The following RANBP2 variants were observed in gnomAD, a reference collection of about 807,000 sequenced individuals.
RANBP2 encodes the protein E3 SUMO-protein ligase RanBP2.
RANBP2 carries 57 observed loss-of-function variants against 303.6 expected under a neutral mutation model. The observed-to-expected ratio is 0.19, with a 90% confidence interval of 0.15 to 0.23. The LOEUF is 0.23. RANBP2 is among the 10% of genes least tolerant of loss of function. RANBP2 has a pLI of 1.00. For missense variants in RANBP2, 3,138 were observed against 3,780.8 expected, an observed-to-expected ratio of 0.83 and a Z score of 4.46; for synonymous variants, 1,167 against 1,301.5, an observed-to-expected ratio of 0.90 and a Z score of 2.23.
the RANBP2 span, among the ~76,000 whole-genome samples, chr2:109,120,084 C>T: frequency 8.9e-3 from 1,361 of 152,334 alleles, 23 homozygotes; most frequent in African/African-American, 0.032. Context: ...ACTATGCAGC[C>T]TGAAGGGGCT....
chr2:109,099,746 T>C, the RANBP2 span, among the ~76,000 whole-genome samples: 1 of 152,176 alleles, frequency 6.6e-6, no homozygotes, highest in Non-Finnish European at 1.5e-5. Context: ...GGAGTCCACA[T>C]CGTTTTTGCA....
At chr2:108,815,650 A>G in the RANBP2 span, among the ~76,000 whole-genome samples, 2 of 151,508 alleles carry the variant, frequency 1.3e-5, no homozygotes, top group African/African-American at 4.9e-5. Flanking sequence ...TTTAGTAAAG[A>G]CAGGTTTTGC....
At chr2:108,861,399 A>C in the RANBP2 span, among the ~76,000 whole-genome samples, 2 of 150,248 alleles carry the variant, frequency 1.3e-5, no homozygotes, top group African/African-American at 4.9e-5. Context: ...TAGTTCCTGT[A>C]GGTGTGACAT....
At chr2:109,607,456 G>C in the RANBP2 span, among the ~76,000 whole-genome samples, 1 of 152,098 alleles carries the variant, frequency 6.6e-6, no homozygotes, top group African/African-American at 2.4e-5. Context: ...TCCCCCTAAA[G>C]AGAGCAGAAA....
At chr2:108,828,594 GAGGA>G in the RANBP2 span, among the ~76,000 whole-genome samples, 1 of 152,214 alleles carries the variant, frequency 6.6e-6, no homozygotes, top group Non-Finnish European at 1.5e-5. Flanking sequence ...CCACTCAGTG[GAGGA>G]AGGACAGTCT....
the RANBP2 span, chr2:109,503,452 AGAT>A: frequency 6.6e-6 from 1 of 152,156 alleles, no homozygotes; most frequent in South Asian, 2.1e-4. Flanking sequence ...CCCTCCCCCA[AGAT>A]GATAATAGAT....
At chr2:109,649,002 A>G in the RANBP2 span, among the ~76,000 whole-genome samples, 6 of 152,258 alleles carry the variant, frequency 3.9e-5, no homozygotes, top group East Asian at 1.2e-3. Context: ...AGGTAGGACA[A>G]TCAGGTAGGT....
At chr2:109,514,487 G>T in the RANBP2 span, among the ~76,000 whole-genome samples, 1 of 152,216 alleles carries the variant, frequency 6.6e-6, no homozygotes, top group Non-Finnish European at 1.5e-5. Flanking sequence ...TACGAGTTCA[G>T]TGTGGGGCAC....
chr2:109,638,364 C>G, the RANBP2 span, among the ~76,000 whole-genome samples: 1 of 152,188 alleles, frequency 6.6e-6, no homozygotes, highest in Non-Finnish European at 1.5e-5. Flanking sequence ...TGAGGCATAA[C>G]TACTCCCCGA....
At chr2:109,094,599 GT>G in the RANBP2 span, among the ~76,000 whole-genome samples, 1 of 152,218 alleles carries the variant, frequency 6.6e-6, no homozygotes, top group Non-Finnish European at 1.5e-5. Flanking sequence ...GGAGGCTGAA[GT>G]GGGCAGATCA....
rs1410659504 is a variant in RANBP2, at chr2:108,775,953, G to A, written c.8497+17G>A. 6.3e-7 allele frequency: 1 copy of A among 1,589,332 alleles called. No individual in the cohort carries two copies. Among genetic ancestry groups the A allele is most frequent in the African/African-American group, 1.3e-5 (1 of 74,486 alleles). On this transcript the variant is annotated intron_variant, in intron 24 of 28. Transcript: ENST00000283195. Reference sequence around the variant, plus strand: ...CAAGCCAAGGTAAATCTTGATATATGTTTATCATGTGTTACATAAGGGACA... The same window carrying A: ...CAAGCCAAGGTAAATCTTGATATATATTTATCATGTGTTACATAAGGGACA...
At chr2:109,262,122 G>A in the RANBP2 span, among the ~76,000 whole-genome samples, 3 of 152,194 alleles carry the variant, frequency 2.0e-5, no homozygotes, top group African/African-American at 7.2e-5. Flanking sequence ...GGGCAGGAAA[G>A]CCCTGGGAAA....
the RANBP2 span, among the ~76,000 whole-genome samples, chr2:109,683,368 G>A: frequency 2.2e-4 from 34 of 152,118 alleles, no homozygotes; most frequent in Non-Finnish European, 3.4e-4. Context: ...GTGATTCTGC[G>A]GTGTGCACGG....
the RANBP2 span, among the ~76,000 whole-genome samples, chr2:109,515,670 T>C: frequency 1.3e-5 from 2 of 152,158 alleles, no homozygotes; most frequent in Admixed American, 1.3e-4. Flanking sequence ...AAGGAATACC[T>C]GAGGCTGGAT....
chr2:108,953,688 A>G, the RANBP2 span, among the ~76,000 whole-genome samples: 1 of 152,098 alleles, frequency 6.6e-6, no homozygotes, highest in Non-Finnish European at 1.5e-5. Flanking sequence ...GACTGATGAG[A>G]CACTGGAGGT....
At chr2:109,163,485 G>A in the RANBP2 span, among the ~76,000 whole-genome samples, 3 of 120,702 alleles carry the variant, frequency 2.5e-5, no homozygotes, top group Admixed American at 2.2e-4. Context: ...TGCAAGCTCC[G>A]CCTCCCGGGT....
At chr2:108,828,166 T>C in the RANBP2 span, among the ~76,000 whole-genome samples, 1 of 152,058 alleles carries the variant, frequency 6.6e-6, no homozygotes, top group Non-Finnish European at 1.5e-5. Context: ...CACCAAAATA[T>C]ATTGTAGATA....
chr2:109,607,934 C>A, the RANBP2 span, among the ~76,000 whole-genome samples: 1 of 151,996 alleles, frequency 6.6e-6, no homozygotes, highest in East Asian at 1.9e-4. Context: ...TCATGCAGTG[C>A]AAATGGGAAA....
the RANBP2 span, among the ~76,000 whole-genome samples, chr2:109,589,816 G>A: frequency 1.3e-5 from 2 of 152,010 alleles, no homozygotes; most frequent in African/African-American, 4.8e-5. Flanking sequence ...GTTCACAGCA[G>A]TTTTATTCCC....
Sources: gnomAD v4.1 joint callset for allele counts (sites outside exome capture counted in the v4.1 genomes callset) on GRCh38, gnomAD v4.1.1 for gene constraint, MANE v1.5 for transcripts, NCBI Gene and HGNC (gene_info 2026-07-23, HGNC 2026-07-21) for gene names.